SPOCK3: variants seen among roughly 807,000 people sequenced by gnomAD.
The protein encoded by SPOCK3 is testican-3.
SPOCK3 carries 30 observed loss-of-function variants against 56.6 expected under a neutral mutation model. That is an observed-to-expected ratio of 0.53 (90% CI 0.40 to 0.72). The LOEUF (loss-of-function observed/expected upper bound fraction) is 0.72. Ranked by LOEUF, SPOCK3 falls within the 30% of genes least tolerant of loss-of-function variation. SPOCK3 has a pLI of 0.00. For missense variants in SPOCK3, 527 were observed against 530.0 expected (o/e 0.99, Z 0.06); for synonymous variants, 196 against 183.3 (o/e 1.07, Z -0.56).
chr4:167,092,105 C>G (rs1758756553), intron 2 of SPOCK3, among the ~76,000 whole-genome samples: 1 of 152,054 alleles, frequency 6.6e-6, no homozygotes, highest in African/African-American at 2.4e-5. Flanking sequence ...GCTCATCTCA[C>G]TGGGACTGGT....
At chr4:167,089,080 T>C (rs550889201) in intron 2 of SPOCK3, among the ~76,000 whole-genome samples, 1 of 152,190 alleles carries the variant, frequency 6.6e-6, no homozygotes, top group Non-Finnish European at 1.5e-5. Flanking sequence ...TGGTATTCTA[T>C]AAATGAAAAA....
intron 7 of SPOCK3, among the ~76,000 whole-genome samples, chr4:166,766,870 G>A (rs547306167): frequency 1.1e-4 from 16 of 152,232 alleles, no homozygotes; most frequent in African/African-American, 3.9e-4. Flanking sequence ...TTCGGAACCT[G>A]TTATTGGTCT....
intron 4 of SPOCK3, among the ~76,000 whole-genome samples, chr4:166,919,382 T>C (rs1362699447): frequency 3.9e-5 from 6 of 152,196 alleles, no homozygotes; most frequent in South Asian, 2.1e-4. Context: ...GAATAATATA[T>C]GCTGTCAAGT....
chr4:167,072,342 T>C lies in SPOCK3; in HGVS notation c.190-9805A>G, dbSNP rs12651267. On this transcript the variant is annotated intron_variant, in intron 2 of 10. Transcript: ENST00000357545. ...TTTTATTAGCCACACCCCTTTTTTTTACATGTTATAACTGCTTTAGTGCTT... is the reference window on the plus strand; with the variant it reads ...TTTTATTAGCCACACCCCTTTTTTTCACATGTTATAACTGCTTTAGTGCTT... Among the ~76,000 whole-genome samples, 90 of 152,164 alleles carry C rather than the reference T, an allele frequency of 5.9e-4. 1 individual carries two copies. In the East Asian group the frequency reaches 0.017, roughly 28 times the overall value.
chr4:166,884,403 T>C (rs913622618), intron 6 of SPOCK3, among the ~76,000 whole-genome samples: 2 of 151,978 alleles, frequency 1.3e-5, no homozygotes, highest in African/African-American at 4.8e-5. Flanking sequence ...ATAATAACTT[T>C]CAGGCTAAAG....
At chr4:166,794,262 ACTGTAGC>A (rs1741665608) in intron 6 of SPOCK3, among the ~76,000 whole-genome samples, 1 of 149,338 alleles carries the variant, frequency 6.7e-6, no homozygotes, top group Non-Finnish European at 1.5e-5. Context: ...GAATGCTTAC[ACTGTAGC>A]CTGCTGTCTC....
chr4:167,212,971 A>G (rs1401242397), intron 2 of SPOCK3, among the ~76,000 whole-genome samples: 1 of 152,210 alleles, frequency 6.6e-6, no homozygotes, highest in African/African-American at 2.4e-5. Context: ...GCCTTTAAGA[A>G]TTACCTTAGA....
chr4:167,202,326 A>C (rs548667748), intron 2 of SPOCK3, among the ~76,000 whole-genome samples: 1 of 152,154 alleles, frequency 6.6e-6, no homozygotes, highest in Admixed American at 6.6e-5. Context: ...AAAGTAGTAT[A>C]TACAGAATCA....
intron 6 of SPOCK3, among the ~76,000 whole-genome samples, chr4:166,796,179 G>C (rs759197690): frequency 1.3e-5 from 2 of 152,134 alleles, no homozygotes; most frequent in Non-Finnish European, 2.9e-5. Context: ...TTATAAGCCT[G>C]TGGCATTCTG....
At chr4:167,151,192 C>A (rs1157189888) in intron 2 of SPOCK3, among the ~76,000 whole-genome samples, 2 of 152,130 alleles carry the variant, frequency 1.3e-5, no homozygotes, top group Non-Finnish European at 2.9e-5. Context: ...ACATCAACAA[C>A]TTTTAGTCCT....
intron 2 of SPOCK3, among the ~76,000 whole-genome samples, chr4:167,184,294 A>G (rs1461850315): frequency 6.6e-6 from 1 of 152,174 alleles, no homozygotes; most frequent in Non-Finnish European, 1.5e-5. Flanking sequence ...TTTAGGTGGC[A>G]TGTTTCAACT....
intron 6 of SPOCK3, among the ~76,000 whole-genome samples, chr4:166,881,710 C>CT (rs35208737): frequency 6.6e-6 from 1 of 152,036 alleles, no homozygotes; most frequent in Non-Finnish European, 1.5e-5. Flanking sequence ...TCCTCCTAGA[C>CT]TTTTTTAAGC....
chr4:167,036,209 T>C (rs1050542921), intron 3 of SPOCK3, among the ~76,000 whole-genome samples: 1 of 152,192 alleles, frequency 6.6e-6, no homozygotes, highest in African/African-American at 2.4e-5. Context: ...CTGTTTGGTA[T>C]GCTTTTGCGA....
rs200752232 is a variant in SPOCK3, at chr4:166,775,913, CA to C, written c.709+16256del. Reference sequence around the variant, plus strand: ...GAACAGATATAAATGTGCATTCAAACAACAACAAACCCAAAGTGACAAGTGG... The same window carrying C: ...GAACAGATATAAATGTGCATTCAAACACAACAAACCCAAAGTGACAAGTGG... On this transcript the variant is annotated intron_variant, in intron 7 of 10. Coordinates refer to ENST00000357545, the MANE Select transcript of SPOCK3 (RefSeq NM_001040159.2). Among the ~76,000 whole-genome samples the C allele has an allele frequency of 7.3e-3, 1,106 of 152,196 alleles. 16 individuals carry two copies. Among genetic ancestry groups the C allele is most frequent in the African/African-American group, 0.025 (1,051 of 41,544 alleles).
chr4:166,986,562 G>T (rs1249546223), intron 4 of SPOCK3, among the ~76,000 whole-genome samples: 2 of 152,102 alleles, frequency 1.3e-5, no homozygotes, highest in Admixed American at 6.5e-5. Context: ...TAATTTTACA[G>T]CACACGAATG....
chr4:167,131,083 T>C (rs1762663475), intron 2 of SPOCK3, among the ~76,000 whole-genome samples: 1 of 152,032 alleles, frequency 6.6e-6, no homozygotes, highest in African/African-American at 2.4e-5. Context: ...GGTTCAAGGT[T>C]TTTAAAAATA....
chr4:167,109,339 T>A (rs1760618036), intron 2 of SPOCK3, among the ~76,000 whole-genome samples: 1 of 82,024 alleles, frequency 1.2e-5, no homozygotes, highest in Non-Finnish European at 2.1e-5. Flanking sequence ...ATATTAATAT[T>A]ATATAATAAA....
At chr4:167,071,675 A>G (rs1012769540) in intron 2 of SPOCK3, among the ~76,000 whole-genome samples, 11 of 152,134 alleles carry the variant, frequency 7.2e-5, no homozygotes, top group African/African-American at 2.4e-4. Context: ...TAGTGCCGCA[A>G]TAAACATAGG....
At chr4:167,016,353 G>A (rs1270686371) in intron 3 of SPOCK3, among the ~76,000 whole-genome samples, 1 of 151,970 alleles carries the variant, frequency 6.6e-6, no homozygotes, top group African/African-American at 2.4e-5. Context: ...TAGTAAAAAA[G>A]GTTAAAGAGG....
Sources: allele counts gnomAD v4.1 joint callset (sites outside exome capture counted in the v4.1 genomes callset), GRCh38; gene constraint gnomAD v4.1.1; transcripts MANE v1.5; gene names NCBI Gene and HGNC (gene_info 2026-07-23, HGNC 2026-07-21).